The following ASB7 variants were observed in gnomAD, a reference collection of about 807,000 sequenced individuals.
ASB7 encodes the protein ankyrin repeat and SOCS box containing 7.
ASB7 carries 4 observed loss-of-function variants against 32.5 expected under a neutral mutation model. The observed-to-expected ratio is 0.12, with a 90% CI of 0.06 to 0.28. The LOEUF is 0.28. Ranked by LOEUF, ASB7 falls within the 10% of genes least tolerant of loss-of-function variation. ASB7 has a pLI of 1.00. For missense variants in ASB7, 181 were observed against 407.1 expected (o/e 0.44, Z 4.78); for synonymous variants, 172 against 155.6 (o/e 1.11, Z -0.78).
At position 100,603,054 on chromosome 15, in the gene ASB7, C is replaced by CAGGAGA. The variant is rs2039572088; in HGVS notation, c.-273+8_-273+9insAGGAGA. On this transcript the variant is annotated intron_variant, in intron 1 of 5. Transcript: ENST00000332783. Reference sequence around the variant, plus strand: ...CAGCAGCTGAGGAGACAGGTAAAGTCCTTTACTTCCCCCGAGGGGAAGAGT... The same window carrying CAGGAGA: ...CAGCAGCTGAGGAGACAGGTAAAGTCAGGAGACTTTACTTCCCCCGAGGGGAAGAGT... 1 of 399,166 alleles carries CAGGAGA rather than the reference C, an allele frequency of 2.5e-6. No homozygotes were observed. The highest frequency in any genetic ancestry group is 4.4e-6 in the Non-Finnish European group (1 of 226,608). The allele number at this position is 399,166 out of a possible 1,614,324, so 24.7% of individuals were successfully genotyped here. A position where few individuals can be genotyped will look rare whatever the true frequency, so the allele number is the denominator to read the frequency against.
Position 100,649,334 on chromosome 15 carries a change from T to C in ASB7, c.*872T>C, listed in dbSNP as rs2040016123. The C allele has an allele frequency of 2.0e-5, 3 of 152,328 alleles. No individual in the cohort carries two copies. The highest frequency in any genetic ancestry group is 4.4e-5 in the Non-Finnish European group (3 of 68,034). 9.4% of individuals were successfully genotyped at this position (152,328 alleles called of 1,614,324 possible). A position where few individuals can be genotyped will look rare whatever the true frequency, so the allele number is the denominator to read the frequency against. ...TGCCCGTGAGGACAGGAGCCGCCGC[T>C]TCAGTTGTCACTGCAGAGCCATCGT... On this transcript the variant is annotated 3_prime_UTR_variant, in exon 6 of 6. Coordinates refer to ENST00000332783, the MANE Select transcript of ASB7 (RefSeq NM_198243.3).
chr15:100,619,688 A>G (rs1597002245), intron 4 of ASB7, among the ~76,000 whole-genome samples: 1 of 152,176 alleles, frequency 6.6e-6, no homozygotes, highest in African/African-American at 2.4e-5. Context: ...AAATTCATAT[A>G]CCCGCCTGGT....
At chr15:100,644,048 G>GA in intron 5 of ASB7, among the ~76,000 whole-genome samples, 1 of 152,040 alleles carries the variant, frequency 6.6e-6, no homozygotes, top group Non-Finnish European at 1.5e-5. Flanking sequence ...AGGAGTTTGA[G>GA]ACCAGCCTGA....
intron 2 of ASB7, among the ~76,000 whole-genome samples, chr15:100,607,527 G>A (rs1009188550): frequency 1.3e-5 from 2 of 152,210 alleles, no homozygotes; most frequent in African/African-American, 2.4e-5. Context: ...TGACGTGTGT[G>A]TATGTTTTTT....
chr15:100,623,149 A>G (rs950400416), intron 4 of ASB7, among the ~76,000 whole-genome samples: 1 of 152,246 alleles, frequency 6.6e-6, no homozygotes, highest in African/African-American at 2.4e-5. Flanking sequence ...CTGTAATCCC[A>G]GCACTTTGGG....
chr15:100,612,173 C>A lies in ASB7; in HGVS notation c.-44C>A. 1 of 1,527,412 alleles carries A rather than the reference C, an allele frequency of 6.5e-7. No homozygotes were observed. The highest frequency in any genetic ancestry group is 1.1e-5 in the South Asian group (1 of 88,654). 94.6% of individuals were successfully genotyped at this position (1,527,412 alleles called of 1,614,324 possible). ...TACCTTCTCTTCTTAAAGGCTGATC[C>A]CCGTAACCTAATGAATCCTTTGTAA... On this transcript the variant is annotated 5_prime_UTR_variant, in exon 4 of 6. Transcript: ENST00000332783.
intron 2 of ASB7, among the ~76,000 whole-genome samples, chr15:100,604,810 T>G (rs539343604): frequency 6.6e-6 from 1 of 152,186 alleles, no homozygotes; most frequent in Non-Finnish European, 1.5e-5. Context: ...AGGCTAATTT[T>G]TATTATGTAA....
intron 5 of ASB7, among the ~76,000 whole-genome samples, chr15:100,643,988 C>T (rs1458277521): frequency 6.6e-6 from 1 of 152,030 alleles, no homozygotes; most frequent in African/African-American, 2.4e-5. Context: ...CGGCTCATGC[C>T]CTTAATCCCA....
chr15:100,632,664 T>G (rs192188198), intron 5 of ASB7, among the ~76,000 whole-genome samples: 66 of 152,258 alleles, frequency 4.3e-4, no homozygotes, highest in African/African-American at 1.5e-3. Context: ...GATCGCAGAC[T>G]GCCGAGGTAT....
At chr15:100,635,538 G>C (rs1453053690) in intron 5 of ASB7, among the ~76,000 whole-genome samples, 1 of 152,146 alleles carries the variant, frequency 6.6e-6, no homozygotes, top group Non-Finnish European at 1.5e-5. Context: ...AGAGGGTTCC[G>C]GTCCCTGCAG....
chr15:100,647,133 T>C (rs1426787284), intron 5 of ASB7, among the ~76,000 whole-genome samples: 1 of 152,240 alleles, frequency 6.6e-6, no homozygotes, highest in Non-Finnish European at 1.5e-5. Context: ...ATTTCTAAAA[T>C]GTCTGTTTTA....
intron 2 of ASB7, among the ~76,000 whole-genome samples, chr15:100,603,544 CTG>C (rs1377912355): frequency 6.6e-6 from 1 of 150,588 alleles, no homozygotes. Context: ...CAGTGTGTTT[CTG>C]TGTTTTTCAT....
chr15:100,620,450 G>A (rs886764731), intron 4 of ASB7, among the ~76,000 whole-genome samples: 21 of 152,286 alleles, frequency 1.4e-4, no homozygotes, highest in Middle Eastern at 3.4e-3. Context: ...AGCATCCTGC[G>A]TCAAAATGAT....
Position 100,629,446 on chromosome 15 carries a change from C to T in ASB7, c.221C>T (p.Thr74Ile). ...RVFLEHGADP[T>I]VKDLIGGFTA... ...TTGGTTTTAACTCCAGCTGATCCTA[C>T]AGTTAAAGACTTAATCGGAGGCTTC... The change falls in exon 5 of 6, where the codon ACA becomes ATA. Residue 74 changes from threonine (T) to isoleucine (I), a missense_variant. By Grantham distance (89) the Thr-to-Ile change is moderately conservative. Transcript: ENST00000332783. The surrounding 1 kb of genome is among the most constrained non-coding windows in gnomAD (Gnocchi z 6.8). 3 of 1,606,488 alleles carry T rather than the reference C, an allele frequency of 1.9e-6. No individual in the cohort carries two copies. The highest frequency in any genetic ancestry group is 2.6e-6 in the Non-Finnish European group (3 of 1,174,154).
At chr15:100,637,187 T>C (rs1032347993) in intron 5 of ASB7, among the ~76,000 whole-genome samples, 37 of 152,240 alleles carry the variant, frequency 2.4e-4, no homozygotes, top group African/African-American at 8.9e-4. Context: ...CTTCATTTGT[T>C]TGAGCTGAGC....
chr15:100,604,986 C>A (rs1596994441), intron 2 of ASB7, among the ~76,000 whole-genome samples: 1 of 152,316 alleles, frequency 6.6e-6, no homozygotes, highest in East Asian at 1.9e-4. Flanking sequence ...AGGACGCTTT[C>A]ATTTCTAAAG....
In ASB7 at chr15:100,641,428, C is replaced by G. The variant is rs182279320; in HGVS notation, c.818-6895C>G. Reference sequence around the variant, plus strand: ...TTACCATAAGCAGTCCTTATTATGCCTAAAATTTAGCTCACTTTTCACTCA... The same window carrying G: ...TTACCATAAGCAGTCCTTATTATGCGTAAAATTTAGCTCACTTTTCACTCA... On this transcript the variant is annotated intron_variant, in intron 5 of 5. Coordinates refer to ENST00000332783, the MANE Select transcript of ASB7 (RefSeq NM_198243.3). Among the ~76,000 whole-genome samples the G allele has an allele frequency of 2.7e-3, 406 of 152,268 alleles. 8 individuals carry two copies. Among genetic ancestry groups the G allele is most frequent in the Admixed American group, 0.024 (366 of 15,292 alleles).
At chr15:100,631,582 A>T (rs1027268486) in intron 5 of ASB7, among the ~76,000 whole-genome samples, 1 of 152,160 alleles carries the variant, frequency 6.6e-6, no homozygotes, top group African/African-American at 2.4e-5. Flanking sequence ...GGCATGTTAT[A>T]TACTCACTTA....
intron 5 of ASB7, among the ~76,000 whole-genome samples, chr15:100,643,095 G>A (rs928945278): frequency 6.6e-6 from 1 of 152,106 alleles, no homozygotes; most frequent in Non-Finnish European, 1.5e-5. Context: ...GCAAGTTGGT[G>A]CTGGCAGTTG....
Sources: gnomAD v4.1 joint callset for allele counts (sites outside exome capture counted in the v4.1 genomes callset) on GRCh38, gnomAD v4.1.1 for gene constraint, Gnocchi (gnomAD v3.1) non-coding constraint, MANE v1.5 for transcripts, NCBI Gene and HGNC (gene_info 2026-07-23, HGNC 2026-07-21) for gene names.